Variants in LY96 observed in about 807,000 individuals in gnomAD.
The protein encoded by LY96 is lymphocyte antigen 96, also known as myeloid differentiation protein-2.
In LY96, 18 loss-of-function variants were observed where a neutral mutation model predicts 18.9. The ratio of observed to expected loss-of-function variants is 0.95; its 90% CI spans 0.66 to 1.41. LY96 has a LOEUF of 1.41. Ranked by LOEUF, LY96 falls within the 40% of genes most tolerant of loss-of-function variation. The pLI is 0.00. For synonymous variants in LY96, 66 were observed against 62.6 expected, an observed-to-expected ratio of 1.06 and a Z score of -0.26; for missense variants, 175 against 182.4, an observed-to-expected ratio of 0.96 and a Z score of 0.23.
chr8:74,012,639 T>C (rs1369106880), intron 3 of LY96, among the ~76,000 whole-genome samples: 5 of 152,106 alleles, frequency 3.3e-5, no homozygotes, highest in Non-Finnish European at 7.4e-5. Flanking sequence ...GGTAATGAGA[T>C]TGCACATGTA....
chr8:74,070,338 G>A, the LY96 span, among the ~76,000 whole-genome samples: 9 of 152,086 alleles, frequency 5.9e-5, no homozygotes, highest in Non-Finnish European at 1.2e-4. Context: ...TGATCCGCCC[G>A]CCTCGGCCTC....
chr8:74,042,794 T>TC, the LY96 span, among the ~76,000 whole-genome samples: 1,388 of 151,650 alleles, frequency 9.2e-3, 23 homozygotes, highest in African/African-American at 0.032. Flanking sequence ...TTTTTTTTTT[T>TC]CGAGACAGAG....
the LY96 span, among the ~76,000 whole-genome samples, chr8:74,058,412 T>C: frequency 3.4e-3 from 512 of 152,252 alleles, 5 homozygotes; most frequent in African/African-American, 0.012. Context: ...AAAACCTTTA[T>C]GGAGAAAAAT....
At chr8:74,020,408 C>T (rs758933141) in intron 3 of LY96, among the ~76,000 whole-genome samples, 6 of 151,994 alleles carry the variant, frequency 3.9e-5, no homozygotes, top group South Asian at 2.1e-4. Flanking sequence ...CACTGCCCAA[C>T]GAAATAAAAG....
chr8:73,997,768 AT>A (rs564544404), intron 1 of LY96, among the ~76,000 whole-genome samples: 33 of 152,164 alleles, frequency 2.2e-4, no homozygotes, highest in Non-Finnish European at 4.1e-4. Flanking sequence ...GGAAACACTC[AT>A]TTATGTTTAC....
intron 3 of LY96, among the ~76,000 whole-genome samples, chr8:74,013,938 A>G (rs1230777124): frequency 2.0e-5 from 3 of 152,092 alleles, no homozygotes; most frequent in Admixed American, 6.6e-5. Context: ...ATTTTTACAG[A>G]TAACTAGCAT....
At chr8:74,036,823 G>A in the LY96 span, among the ~76,000 whole-genome samples, 2 of 152,158 alleles carry the variant, frequency 1.3e-5, no homozygotes, top group African/African-American at 4.8e-5. Context: ...TAGCTCTGTG[G>A]AGTACCCCTT....
At chr8:74,066,072 T>C in the LY96 span, among the ~76,000 whole-genome samples, 1 of 152,176 alleles carries the variant, frequency 6.6e-6, no homozygotes, top group Non-Finnish European at 1.5e-5. Flanking sequence ...TTAGACTGGA[T>C]AATTTATAAA....
At chr8:74,017,153 G>GA (rs958220161) in intron 3 of LY96, among the ~76,000 whole-genome samples, 1 of 152,154 alleles carries the variant, frequency 6.6e-6, no homozygotes, top group Non-Finnish European at 1.5e-5. Flanking sequence ...TAAAAACCTT[G>GA]AAAAAGGATT....
the LY96 span, among the ~76,000 whole-genome samples, chr8:74,042,256 C>G: frequency 2.0e-5 from 3 of 152,240 alleles, no homozygotes; most frequent in South Asian, 6.2e-4. Flanking sequence ...CACAGAGGCT[C>G]ACGCCTGTAA....
At chr8:74,038,005 T>G in the LY96 span, among the ~76,000 whole-genome samples, 1 of 152,294 alleles carries the variant, frequency 6.6e-6, no homozygotes, top group Non-Finnish European at 1.5e-5. Context: ...AAAAAAAATT[T>G]TTAATTTTTA....
intron 3 of LY96, among the ~76,000 whole-genome samples, chr8:74,015,907 A>C (rs1816631646): frequency 6.6e-6 from 1 of 152,222 alleles, no homozygotes; most frequent in South Asian, 2.1e-4. Context: ...AAGATGGCCA[A>C]ATAGGAGCAG....
At chr8:74,086,829 G>A in the LY96 span, among the ~76,000 whole-genome samples, 1 of 152,190 alleles carries the variant, frequency 6.6e-6, no homozygotes, top group African/African-American at 2.4e-5. Context: ...TGAGAACACA[G>A]CAAGAAGGGG....
intron 3 of LY96, among the ~76,000 whole-genome samples, chr8:74,011,719 T>C (rs1697140951): frequency 6.6e-6 from 1 of 151,722 alleles, no homozygotes; most frequent in Non-Finnish European, 1.5e-5. Context: ...ATTAGCCAGG[T>C]GTGGTGGCAT....
chr8:74,009,765 A>C (rs1035949990), intron 2 of LY96, among the ~76,000 whole-genome samples: 1 of 152,180 alleles, frequency 6.6e-6, no homozygotes, highest in Admixed American at 6.6e-5. Flanking sequence ...CAGAGCATGC[A>C]TAGTTTTACT....
the LY96 span, among the ~76,000 whole-genome samples, chr8:74,084,752 T>G: frequency 1.3e-5 from 2 of 152,188 alleles, no homozygotes; most frequent in African/African-American, 2.4e-5. Flanking sequence ...TAGCTGGGAT[T>G]ACAGGCGCCT....
the LY96 span, among the ~76,000 whole-genome samples, chr8:74,042,838 G>A: frequency 6.6e-5 from 10 of 150,962 alleles, no homozygotes; most frequent in East Asian, 3.9e-4. Context: ...GTGCAGTGGC[G>A]TGAGCTCATC....
the LY96 span, among the ~76,000 whole-genome samples, chr8:74,054,669 T>TTTCTTTC: frequency 6.9e-6 from 1 of 144,642 alleles, no homozygotes; most frequent in Non-Finnish European, 1.5e-5. Context: ...TCTTTCTTTC[T>TTTCTTTC]TTCTTTTTAT....
intron 2 of LY96, among the ~76,000 whole-genome samples, chr8:74,005,611 C>G (rs543049638): frequency 7.2e-5 from 11 of 152,290 alleles, no homozygotes; most frequent in Middle Eastern, 3.4e-3. Context: ...GAGAAAAATA[C>G]AGTAATAATG....
Sources: gnomAD v4.1 joint callset for allele counts (sites outside exome capture counted in the v4.1 genomes callset) on GRCh38, gnomAD v4.1.1 for gene constraint, MANE v1.5 for transcripts, NCBI Gene and HGNC (gene_info 2026-07-23, HGNC 2026-07-21) for gene names.